The following ZFP30 variants were observed in gnomAD, a reference collection of about 807,000 sequenced individuals.
The protein encoded by ZFP30 is zinc finger protein 30 homolog.
A neutral mutation model predicts 12.3 loss-of-function variants in ZFP30; 16 were observed. The ratio of observed to expected loss-of-function variants is 1.30; its 90% CI spans 0.88 to 1.98. ZFP30 has a LOEUF of 1.98. Among genes scored for constraint, ZFP30 ranks in the 30% most tolerant of loss-of-function variants. ZFP30 has a pLI of 0.00. For missense variants in ZFP30, 560 were observed against 611.2 expected, an observed-to-expected ratio of 0.92 and a Z score of 0.88; for synonymous variants, 172 against 201.0, an observed-to-expected ratio of 0.86 and a Z score of 1.22.
intron 5 of ZFP30, among the ~76,000 whole-genome samples, chr19:37,642,443 C>T (rs981286708): frequency 6.6e-6 from 1 of 152,098 alleles, no homozygotes; most frequent in Non-Finnish European, 1.5e-5. Context: ...CCTGACCAAC[C>T]CATCTAAAAT....
intron 2 of ZFP30, among the ~76,000 whole-genome samples, chr19:37,652,208 T>TAAA (rs2044665350): frequency 6.6e-6 from 1 of 152,204 alleles, no homozygotes; most frequent in Non-Finnish European, 1.5e-5. Flanking sequence ...ATTCCTCTTT[T>TAAA]AAACTAAGAA....
intron 5 of ZFP30, among the ~76,000 whole-genome samples, chr19:37,638,065 A>G (rs2044365155): frequency 6.6e-6 from 1 of 152,198 alleles, no homozygotes; most frequent in South Asian, 2.1e-4. Context: ...AAACAAGTAC[A>G]TCTAAGCTAT....
At position 37,635,825 on chromosome 19, in the gene ZFP30, T is replaced by G. The variant is rs1293999443; in HGVS notation, c.716A>C (p.Glu239Ala). 4 of 1,614,096 alleles carry G rather than the reference T, an allele frequency of 2.5e-6. No homozygotes were observed. Among genetic ancestry groups the G allele is most frequent in the Non-Finnish European group, 3.4e-6 (4 of 1,180,060 alleles). Residue 239 changes from glutamate to alanine, a missense_variant, in exon 6 of 6, where the codon GAG becomes GCG. By Grantham distance (107) the Glu-to-Ala change is moderately radical (BLOSUM62 -1). Coordinates refer to ENST00000684514, the MANE Select transcript of ZFP30 (RefSeq NM_001320669.3). ...LRVHQRIHIG[E>A]KPYECKECGK... ...ACATTCTTTACATTCATACGGCTTC[T>G]CACCAATATGAATTCTCTGATGTAC...
At chr19:37,647,764 A>G in intron 3 of ZFP30, 50 bp downstream of exon 3, 1 of 1,610,524 alleles carries the variant, frequency 6.2e-7, no homozygotes, top group South Asian at 1.1e-5. Context: ...ATGTTCACAT[A>G]ACCTGAAAAA....
intron 5 of ZFP30, among the ~76,000 whole-genome samples, chr19:37,638,767 TA>T (rs2044378773): frequency 6.6e-6 from 1 of 151,858 alleles, no homozygotes; most frequent in Non-Finnish European, 1.5e-5. Flanking sequence ...TTTATAAAGT[TA>T]AAAAATGATA....
chr19:37,648,084 C>T (rs989204880), intron 2 of ZFP30, among the ~76,000 whole-genome samples, 185 bp from the exon 3 acceptor site: 8 of 152,150 alleles, frequency 5.3e-5, no homozygotes, highest in African/African-American at 1.9e-4. Context: ...ATCAGCTCAG[C>T]TGCACAAGGA....
rs980129415 is a variant in ZFP30, at chr19:37,634,133, A to T, written c.*848T>A. 2.6e-5 allele frequency: 4 copies of T among 152,134 alleles called. No individual in the cohort carries two copies. Among genetic ancestry groups the T allele is most frequent in the Non-Finnish European group, 5.9e-5 (4 of 68,034 alleles). The allele number at this position is 152,134 out of a possible 1,614,324, so 9.4% of individuals were successfully genotyped here. A position where few individuals can be genotyped will look rare whatever the true frequency, so the allele number is the denominator to read the frequency against. On this transcript the variant is annotated 3_prime_UTR_variant, in exon 6 of 6. Coordinates refer to ENST00000684514, the MANE Select transcript of ZFP30 (RefSeq NM_001320669.3). ...GTTCCACCTTATTTCTTAAAATGCC[A>T]TTTTATTGGTTGGGAAACCAGGTGA...
chr19:37,653,887 T>C (rs2044701571), intron 2 of ZFP30, among the ~76,000 whole-genome samples: 1 of 152,222 alleles, frequency 6.6e-6, no homozygotes, highest in Admixed American at 6.5e-5. Flanking sequence ...TACCAATCCC[T>C]GTTCTGGTCC....
At chr19:37,652,167 C>T (rs1219365790) in intron 2 of ZFP30, among the ~76,000 whole-genome samples, 2 of 152,146 alleles carry the variant, frequency 1.3e-5, no homozygotes, top group East Asian at 3.9e-4. Context: ...TCCATACATC[C>T]ATGGAGTCAT....
chr19:37,654,082 AT>A (rs1315308052), intron 2 of ZFP30, among the ~76,000 whole-genome samples: 1 of 152,248 alleles, frequency 6.6e-6, no homozygotes, highest in African/African-American at 2.4e-5. Flanking sequence ...CTTCACAAAT[AT>A]TAATTCATGT....
intron 2 of ZFP30, among the ~76,000 whole-genome samples, chr19:37,650,510 C>G (rs1193114592): frequency 1.3e-5 from 2 of 152,220 alleles, no homozygotes; most frequent in African/African-American, 2.4e-5. Context: ...CCCTGCTACT[C>G]TGCCCCATCT....
intron 5 of ZFP30, among the ~76,000 whole-genome samples, chr19:37,638,656 AT>A (rs1364805301): frequency 2.0e-5 from 3 of 152,262 alleles, no homozygotes; most frequent in African/African-American, 4.8e-5. Flanking sequence ...AACAACAAGA[AT>A]TAACAAACTA....
At position 37,636,169 on chromosome 19, in the gene ZFP30, A is replaced by G. The variant is rs765446089; in HGVS notation, c.372T>C (p.Cys124=). 1.9e-6 allele frequency: 3 copies of G among 1,614,030 alleles called. No individual in the cohort carries two copies. Among genetic ancestry groups the G allele is most frequent in the African/African-American group, 1.3e-5 (1 of 74,920 alleles). ...AGGTGGTTTTTGTCACTTGCCTGAAACACACCTCATGAGGACTTTCTTGTT... is the reference window on the plus strand; with the variant it reads ...AGGTGGTTTTTGTCACTTGCCTGAAGCACACCTCATGAGGACTTTCTTGTT... ...LEEQESPHEV[C]FRQVTKTTSE... is the part of the protein sequence containing the mutation. The change falls in exon 6 of 6, where the codon TGT becomes TGC. Residue 124 remains cysteine, a synonymous_variant. Transcript: ENST00000684514.
At chr19:37,648,689 G>A (rs1416661166) in intron 2 of ZFP30, among the ~76,000 whole-genome samples, 1 of 152,108 alleles carries the variant, frequency 6.6e-6, no homozygotes, top group Non-Finnish European at 1.5e-5. Context: ...GATGCTGCTG[G>A]TCCAGATGCC....
Position 37,634,059 on chromosome 19 carries a change from ACT to A in ZFP30, c.*920_*921del, listed in dbSNP as rs977840402. ...TCAACTCATGATCTAAGTAAAAACC[ACT>A]GTTTCATTGCATTTGACTGATGTCT... On this transcript the variant is annotated 3_prime_UTR_variant, in exon 6 of 6. Coordinates refer to ENST00000684514, the MANE Select transcript of ZFP30 (RefSeq NM_001320669.3). The A allele has an allele frequency of 2.0e-5, 3 of 152,140 alleles. No homozygotes were observed. The highest frequency in any genetic ancestry group is 4.4e-5 in the Non-Finnish European group (3 of 68,000). 9.4% of individuals were successfully genotyped at this position (152,140 alleles called of 1,614,324 possible). A position where few individuals can be genotyped will look rare whatever the true frequency, so the allele number is the denominator to read the frequency against.
At chr19:37,653,840 C>A (rs1450572792) in intron 2 of ZFP30, among the ~76,000 whole-genome samples, 1 of 152,174 alleles carries the variant, frequency 6.6e-6, no homozygotes, top group Non-Finnish European at 1.5e-5. Context: ...ATCTTTGTTG[C>A]CCTGAAAGCT....
In ZFP30 at chr19:37,639,576, A is replaced by T. The variant is rs536389815; in HGVS notation, c.236-3271T>A. Among the ~76,000 whole-genome samples the T allele has an allele frequency of 2.5e-4, 38 of 152,208 alleles. No individual in the cohort carries two copies. The South Asian group carries it at 7.9e-3, about 32-fold the overall frequency. ...AGACCAGCCTGGCCAATGTAATGAG[A>T]CCCCAATCTCGAAAAACTAAAATTA... On this transcript the variant is annotated intron_variant, in intron 5 of 5. Coordinates refer to ENST00000684514, the MANE Select transcript of ZFP30 (RefSeq NM_001320669.3).
intron 2 of ZFP30, 61 bp from the exon 3 acceptor site, chr19:37,647,960 A>C (rs1463495715): frequency 7.6e-6 from 7 of 922,860 alleles, no homozygotes; most frequent in Non-Finnish European, 1.2e-5. Context: ...CAAATTTTAA[A>C]AACTGGTACT....
Position 37,647,877 on chromosome 19 carries a change from A to G in ZFP30, c.-55T>C. On this transcript the variant is annotated 5_prime_UTR_variant, in exon 3 of 6. Transcript: ENST00000684514. ...TTCCTCAAGGTTCATGTACTTCAGA[A>G]GCAGGGTCCACAGACACCAGAGCTG... is the stretch of plus-strand genomic sequence containing the variant. 6.2e-7 allele frequency: 1 copy of G among 1,604,028 alleles called. No individual in the cohort carries two copies. Among genetic ancestry groups the G allele is most frequent in the South Asian group, 1.1e-5 (1 of 90,868 alleles).
Sources: gnomAD v4.1 joint callset for allele counts (sites outside exome capture counted in the v4.1 genomes callset) on GRCh38, gnomAD v4.1.1 for gene constraint, MANE v1.5 for transcripts, NCBI Gene and HGNC (gene_info 2026-07-23, HGNC 2026-07-21) for gene names.